Variants in FAT3 observed in about 807,000 individuals in gnomAD.
The protein encoded by FAT3 is protocadherin Fat 3.
Under a neutral mutation model 310.2 loss-of-function variants are expected in FAT3, and 95 were observed. The ratio of observed to expected loss-of-function variants is 0.31; its 90% confidence interval spans 0.26 to 0.36. FAT3 has a LOEUF of 0.36. Among genes scored for constraint, FAT3 ranks in the 10% least tolerant of loss-of-function variants. The pLI, the probability that FAT3 is intolerant of heterozygous loss-of-function variation, is 1.00. For missense variants in FAT3, 5,408 were observed against 5,715.6 expected, an observed-to-expected ratio of 0.95 and a Z score of 1.74; for synonymous variants, 2,314 against 2,192.9, an observed-to-expected ratio of 1.06 and a Z score of -1.54.
intron 7 of FAT3, among the ~76,000 whole-genome samples, chr11:92,777,160 A>T (rs1225917015): frequency 6.6e-6 from 1 of 152,230 alleles, no homozygotes; most frequent in African/African-American, 2.4e-5. Context: ...AATGTCCTGT[A>T]GCCCCAAAAC....
chr11:92,254,247 T>C (rs1865231619), intron 1 of FAT3, among the ~76,000 whole-genome samples: 1 of 152,178 alleles, frequency 6.6e-6, no homozygotes, highest in African/African-American at 2.4e-5. Context: ...CCAGGGGCTG[T>C]GTTCTCCACA....
chr11:92,373,764 A>G (rs1349719029), intron 2 of FAT3, among the ~76,000 whole-genome samples: 1 of 54,670 alleles, frequency 1.8e-5, no homozygotes, highest in East Asian at 4.1e-4. Flanking sequence ...ATGTATGCAC[A>G]CACACACACA....
chr11:92,528,011 T>C (rs1199757137), intron 3 of FAT3, among the ~76,000 whole-genome samples: 1 of 152,240 alleles, frequency 6.6e-6, no homozygotes, highest in Non-Finnish European at 1.5e-5. Context: ...GGCAATGTGC[T>C]ACATAATAAA....
At chr11:92,533,388 C>T (rs369366962) in intron 3 of FAT3, among the ~76,000 whole-genome samples, 31 of 152,030 alleles carry the variant, frequency 2.0e-4, no homozygotes, top group African/African-American at 7.2e-4. Context: ...GGGCTAAGTG[C>T]GAACTAGTGC....
intron 3 of FAT3, among the ~76,000 whole-genome samples, chr11:92,555,375 G>A (rs1220352131): frequency 6.6e-6 from 1 of 152,204 alleles, no homozygotes; most frequent in Non-Finnish European, 1.5e-5. Flanking sequence ...CTTAAACTGT[G>A]TGCCTTAAAA....
chr11:92,627,426 G>A (rs1209549295), intron 3 of FAT3, among the ~76,000 whole-genome samples: 3 of 152,190 alleles, frequency 2.0e-5, no homozygotes, highest in South Asian at 4.1e-4. Flanking sequence ...AGTTCATAGA[G>A]TGGAAGGCAG....
intron 2 of FAT3, among the ~76,000 whole-genome samples, chr11:92,364,636 T>C (rs1948968502): frequency 6.6e-6 from 1 of 152,248 alleles, no homozygotes. Context: ...ATTTTTCACT[T>C]GCCAGTTTTT....
intron 2 of FAT3, among the ~76,000 whole-genome samples, chr11:92,523,024 C>T (rs556475760): frequency 3.3e-5 from 5 of 152,234 alleles, no homozygotes; most frequent in African/African-American, 9.6e-5. Context: ...GTTTGCAAAC[C>T]GATATTGGCT....
chr11:92,670,138 T>C (rs1943083659), intron 3 of FAT3, among the ~76,000 whole-genome samples: 1 of 152,222 alleles, frequency 6.6e-6, no homozygotes, highest in Non-Finnish European at 1.5e-5. Flanking sequence ...TTTTTCTTTT[T>C]GCTGCTGCCC....
At chr11:92,564,507 G>A (rs1328954283) in intron 3 of FAT3, among the ~76,000 whole-genome samples, 1 of 151,538 alleles carries the variant, frequency 6.6e-6, no homozygotes, top group Non-Finnish European at 1.5e-5. Context: ...GGATACCCAG[G>A]AATTGAACTC....
At chr11:92,310,918 AT>A (rs927220470) in intron 1 of FAT3, among the ~76,000 whole-genome samples, 35 of 151,668 alleles carry the variant, frequency 2.3e-4, no homozygotes, top group African/African-American at 8.0e-4. Context: ...GTACAACCAG[AT>A]TTTTTTCCAT....
At chr11:92,657,456 T>C (rs1441992056) in intron 3 of FAT3, among the ~76,000 whole-genome samples, 2 of 152,244 alleles carry the variant, frequency 1.3e-5, no homozygotes, top group Non-Finnish European at 2.9e-5. Context: ...CCCCGGACTC[T>C]GAGGTAGCCA....
chr11:92,455,059 C>T (rs1951462099), intron 2 of FAT3, among the ~76,000 whole-genome samples: 1 of 152,104 alleles, frequency 6.6e-6, no homozygotes, highest in African/African-American at 2.4e-5. Flanking sequence ...AATCTGCAAC[C>T]TTTGAGGATC....
At chr11:92,646,969 T>C (rs887072718) in intron 3 of FAT3, among the ~76,000 whole-genome samples, 1 of 152,172 alleles carries the variant, frequency 6.6e-6, no homozygotes, top group Admixed American at 6.5e-5. Context: ...AGAATCATAC[T>C]AGGCATAGCT....
At position 92,799,243 on chromosome 11, in the gene FAT3, T is replaced by C. The variant is rs1947262025; in HGVS notation, c.6230T>C (p.Ile2077Thr). The change falls in exon 10 of 28, where the codon ATA becomes ACA. Residue 2077 changes from isoleucine to threonine, a missense_variant. Transcript: ENST00000525166. ...RVVVRVNIED[I>T]NDNSPVFVGL... ...GTGGTCAGGGTTAACATTGAAGACA[T>C]AAATGACAATTCTCCAGTCTTTGTG... 1 of 1,613,772 alleles carries C rather than the reference T, an allele frequency of 6.2e-7. No homozygotes were observed. The highest frequency in any genetic ancestry group is 8.5e-7 in the Non-Finnish European group (1 of 1,179,866).
intron 3 of FAT3, among the ~76,000 whole-genome samples, chr11:92,680,555 T>C (rs1440564295): frequency 2.6e-5 from 4 of 152,222 alleles, no homozygotes; most frequent in Non-Finnish European, 4.4e-5. Context: ...GCTTCCAGCT[T>C]TGTTCTTTTT....
At chr11:92,729,789 CA>C (rs1322570340) in intron 4 of FAT3, among the ~76,000 whole-genome samples, 28 of 152,096 alleles carry the variant, frequency 1.8e-4, no homozygotes, top group East Asian at 1.7e-3. Context: ...ATGGAAGGAT[CA>C]GGGGGTCATA....
At chr11:92,603,351 A>G (rs2135594352) in intron 3 of FAT3, among the ~76,000 whole-genome samples, 1 of 152,364 alleles carries the variant, frequency 6.6e-6, no homozygotes, top group African/African-American at 2.4e-5. Context: ...GCCTTAACTC[A>G]CCAAAGCATA....
At chr11:92,239,736 C>T (rs1055672445) in intron 1 of FAT3, among the ~76,000 whole-genome samples, 1 of 152,028 alleles carries the variant, frequency 6.6e-6, no homozygotes, top group African/African-American at 2.4e-5. Flanking sequence ...ATTTTGGCTT[C>T]TCAGCTGAAT....
Sources: gnomAD v4.1 joint callset for allele counts (sites outside exome capture counted in the v4.1 genomes callset) on GRCh38, gnomAD v4.1.1 for gene constraint, MANE v1.5 for transcripts, NCBI Gene and HGNC (gene_info 2026-07-23, HGNC 2026-07-21) for gene names.